PCDHGA4: variants seen among roughly 807,000 people sequenced by gnomAD.
PCDHGA4 encodes the protein protocadherin gamma subfamily A, 4, also known as protocadherin gamma-A4.
Under a neutral mutation model 54.6 loss-of-function variants are expected in PCDHGA4, and 38 were observed. That is an observed-to-expected ratio of 0.70 (90% CI 0.54 to 0.91). PCDHGA4 has a LOEUF of 0.91. Among genes scored for constraint, PCDHGA4 ranks in the 40% least tolerant of loss-of-function variants. The pLI, the probability that PCDHGA4 is intolerant of heterozygous loss-of-function variation, is 0.00. For missense variants in PCDHGA4, 1,298 were observed against 1,220.9 expected, an observed-to-expected ratio of 1.06 and a Z score of -0.94; for synonymous variants, 511 against 512.9, an observed-to-expected ratio of 1.00 and a Z score of 0.05.
chr5:141,388,652 C>A (rs1388425962), intron 1 of PCDHGA4: 1 of 1,613,844 alleles, frequency 6.2e-7, no homozygotes, highest in Non-Finnish European at 8.5e-7. Flanking sequence ...AAAACGTGTA[C>A]CCGGGGACCA....
chr5:141,357,518 C>A lies in PCDHGA4; in HGVS notation c.2411C>A (p.Pro804His). The A allele has an allele frequency of 6.2e-7, 1 of 1,614,246 alleles. No homozygotes were observed. Among genetic ancestry groups the A allele is most frequent in the Non-Finnish European group, 8.5e-7 (1 of 1,180,050 alleles). The change falls in exon 1 of 4, where the codon CCC (proline) becomes CAC (histidine). Residue 804 changes from proline to histidine, a missense_variant. By Grantham distance (77) the Pro-to-His change is moderately conservative. Transcript: ENST00000571252. ...AAGAGTCACCTGATCTTCTCCCAAC[C>A]CAGCTATGCAGACACGCTCATCAGC... ...SRKSHLIFSQ[P>H]SYADTLISRE...
chr5:141,438,631 TATATAC>T (rs1271580663), intron 1 of PCDHGA4, among the ~76,000 whole-genome samples: 5,390 of 42,476 alleles, frequency 0.13, 146 homozygotes, highest in Non-Finnish European at 0.16. Context: ...TATATATATA[TATATAC>T]ACACACACAC....
intron 1 of PCDHGA4, among the ~76,000 whole-genome samples, chr5:141,451,435 G>T (rs947210577): frequency 6.6e-6 from 1 of 152,234 alleles, no homozygotes; most frequent in Non-Finnish European, 1.5e-5. Flanking sequence ...AAGGGTTCCA[G>T]TTCCTTGCTG....
chr5:141,362,960 A>C (rs900471696), intron 1 of PCDHGA4, among the ~76,000 whole-genome samples: 10 of 152,248 alleles, frequency 6.6e-5, no homozygotes, highest in African/African-American at 2.4e-4. Context: ...GAAATTGGGA[A>C]ACAAAGAAGA....
At chr5:141,426,825 A>G (rs747894160) in intron 1 of PCDHGA4, 26 of 456,582 alleles carry the variant, frequency 5.7e-5, no homozygotes, top group Non-Finnish European at 9.3e-5. Context: ...CTCTCTGATG[A>G]TGGACAAGAC....
chr5:141,375,759 C>A lies in PCDHGA4; in HGVS notation c.2514+18138C>A, dbSNP rs757946718. 3.7e-6 allele frequency: 6 copies of A among 1,614,126 alleles called. No individual in the cohort carries two copies. The African/African-American group carries it at 5.3e-5, about 14-fold the overall frequency. ...TTTGTGCTGGACCAGAATGACAATG[C>A]GCCCGAGATCCTGTACCCCGCCCTC... On this transcript the variant is annotated intron_variant, in intron 1 of 3. Coordinates refer to ENST00000571252, the MANE Select transcript of PCDHGA4 (RefSeq NM_018917.4).
intron 1 of PCDHGA4, chr5:141,361,959 G>A: frequency 6.2e-7 from 1 of 1,602,806 alleles, no homozygotes; most frequent in Non-Finnish European, 8.5e-7. Flanking sequence ...CCTACCACGT[G>A]CTGCAGGCCA....
chr5:141,456,043 G>A (rs62379189), intron 1 of PCDHGA4, among the ~76,000 whole-genome samples: 6,917 of 151,746 alleles, frequency 0.046, 202 homozygotes, highest in Middle Eastern at 0.086. Flanking sequence ...GACTACAGGC[G>A]CCCACCACCA....
At chr5:141,450,006 C>CTATTTTTTTTTTTT (rs70988802) in intron 1 of PCDHGA4, among the ~76,000 whole-genome samples, 1 of 132,966 alleles carries the variant, frequency 7.5e-6, no homozygotes, top group Non-Finnish European at 1.6e-5. Flanking sequence ...TGCCATGTCT[C>CTATTTTTTTTTTTT]TTTTTTTTTT....
intron 1 of PCDHGA4, among the ~76,000 whole-genome samples, chr5:141,406,715 A>G (rs2094843333): frequency 6.6e-6 from 1 of 152,252 alleles, no homozygotes; most frequent in Non-Finnish European, 1.5e-5. Flanking sequence ...CTTGCTCAAG[A>G]GAAGTTTCTA....
chr5:141,427,975 C>T lies in PCDHGA4; in HGVS notation c.2515-66832C>T, dbSNP rs757718263. ...AATGTGCCGCGGGTGCTGTACCCCGCGCTGGGGCCCGATGGCTCCGCACTC... is the reference window on the plus strand; with the variant it reads ...AATGTGCCGCGGGTGCTGTACCCCGTGCTGGGGCCCGATGGCTCCGCACTC... On this transcript the variant is annotated intron_variant, in intron 1 of 3. Transcript: ENST00000571252. The T allele has an allele frequency of 1.9e-6, 3 of 1,594,600 alleles. No individual in the cohort carries two copies. In the South Asian group the frequency reaches 3.3e-5, roughly 18 times the overall value.
At position 141,487,946 on chromosome 5, in the gene PCDHGA4, C is replaced by G. The variant is rs187890859; in HGVS notation, c.2515-6861C>G. 7.9e-5 allele frequency among the ~76,000 whole-genome samples: 12 copies of G among 152,298 alleles called. No homozygotes were observed. The highest frequency in any genetic ancestry group is 7.8e-4 in the Admixed American group (12 of 15,304). Reference sequence around the variant, plus strand: ...AGTGCACAGGGTACAGTGCACCAGGCAGTCACTTGGACAAAGGTGGCTGTT... The same window carrying G: ...AGTGCACAGGGTACAGTGCACCAGGGAGTCACTTGGACAAAGGTGGCTGTT... On this transcript the variant is annotated intron_variant, in intron 1 of 3. Transcript: ENST00000571252. The surrounding 1 kb of genome is among the most constrained non-coding windows in gnomAD (Gnocchi z 5.0).
intron 1 of PCDHGA4, chr5:141,362,674 A>G (rs774822554): frequency 5.1e-5 from 63 of 1,246,738 alleles, no homozygotes; most frequent in Non-Finnish European, 5.8e-5. Context: ...TTGTGCCTTA[A>G]TTGTCTTAAT....
intron 1 of PCDHGA4, among the ~76,000 whole-genome samples, chr5:141,406,071 C>T (rs2094755708): frequency 7.4e-6 from 1 of 134,244 alleles, no homozygotes; most frequent in East Asian, 2.1e-4. Context: ...AATTCTTACT[C>T]CTTTTTTTTT....
chr5:141,389,156 T>TC, intron 1 of PCDHGA4: 1 of 1,613,950 alleles, frequency 6.2e-7, no homozygotes, highest in Non-Finnish European at 8.5e-7. Context: ...CGGCAACAGA[T>TC]CGGGGCAAGC....
rs375363587 is a variant in PCDHGA4 at position 141,414,524 on chromosome 5, A to G, written c.2514+56903A>G. On this transcript the variant is annotated intron_variant, in intron 1 of 3. Coordinates refer to ENST00000571252, the MANE Select transcript of PCDHGA4 (RefSeq NM_018917.4). ...TTTATGCTACAAGTGGCAGATATCA[A>G]TGACAACCCACCTACCTTCTCTCAA... 105 of 1,613,844 alleles carry G rather than the reference A, an allele frequency of 6.5e-5. 1 individual carries two copies. In the South Asian group the frequency reaches 7.2e-4, roughly 11 times the overall value.
At chr5:141,507,810 G>C (rs550331241) in intron 3 of PCDHGA4, among the ~76,000 whole-genome samples, 5 of 152,172 alleles carry the variant, frequency 3.3e-5, no homozygotes, top group Non-Finnish European at 2.9e-5. Context: ...CCTGGGGAAC[G>C]GACCCTGGGG....
chr5:141,372,405 A>T, intron 1 of PCDHGA4: 2 of 1,614,024 alleles, frequency 1.2e-6, no homozygotes, highest in Non-Finnish European at 1.7e-6. Context: ...CTTGCAAGAG[A>T]TACAACCTGA....
At chr5:141,394,530 A>C in intron 1 of PCDHGA4, 1 of 1,614,140 alleles carries the variant, frequency 6.2e-7, no homozygotes, top group African/African-American at 1.3e-5. Flanking sequence ...AGACGGTTCC[A>C]CTGGCGTGGA....
Sources: allele counts gnomAD v4.1 joint callset (sites outside exome capture counted in the v4.1 genomes callset), GRCh38; gene constraint gnomAD v4.1.1; non-coding constraint Gnocchi (gnomAD v3.1); transcripts MANE v1.5; gene names NCBI Gene and HGNC (gene_info 2026-07-23, HGNC 2026-07-21).